Variants in TSHZ3 observed in about 807,000 individuals in gnomAD.
The protein encoded by TSHZ3 is teashirt zinc finger homeobox 3, also known as teashirt homolog 3.
A neutral mutation model predicts 64.5 loss-of-function variants in TSHZ3; 10 were observed. That is an observed-to-expected ratio of 0.16 (90% CI 0.10 to 0.26). The LOEUF is 0.26. TSHZ3 is among the 10% of genes least tolerant of loss of function. The pLI is 1.00. For synonymous variants in TSHZ3, 608 were observed against 593.1 expected, an observed-to-expected ratio of 1.03 and a Z score of -0.36; for missense variants, 1,242 against 1,421.7, an observed-to-expected ratio of 0.87 and a Z score of 2.03.
downstream of TSHZ3, among the ~76,000 whole-genome samples, chr19:31,272,220 G>A (rs1048318614): frequency 6.6e-6 from 1 of 152,124 alleles, no homozygotes; most frequent in Non-Finnish European, 1.5e-5. Context: ...CCCCAAGATG[G>A]AGCTGGACGG....
intron 5 of TSHZ3, among the ~76,000 whole-genome samples, chr19:31,163,852 T>C (rs1974404373): frequency 6.6e-6 from 1 of 152,176 alleles, no homozygotes; most frequent in Non-Finnish European, 1.5e-5. Context: ...CAAGAAGAGC[T>C]GCAAGTATAT....
intron 3 of TSHZ3, among the ~76,000 whole-genome samples, chr19:31,242,011 A>C (rs1057146202): frequency 5.9e-5 from 9 of 152,204 alleles, no homozygotes; most frequent in African/African-American, 2.2e-4. Context: ...TATTCAAGGG[A>C]TGTAAACTAT....
intron 4 of TSHZ3, among the ~76,000 whole-genome samples, chr19:31,213,396 T>C (rs1157806670): frequency 3.3e-5 from 2 of 60,260 alleles, no homozygotes; most frequent in Non-Finnish European, 6.5e-5. Flanking sequence ...AAAAAATCAG[T>C]GGTGTCCAGG....
chr19:31,152,281 AGC>A (rs1247346408), intron 6 of TSHZ3, among the ~76,000 whole-genome samples: 1 of 55,014 alleles, frequency 1.8e-5, no homozygotes, highest in Non-Finnish European at 3.4e-5. Flanking sequence ...TGTATATGTG[AGC>A]GTGTGTGTGT....
chr19:31,292,783 C>T (rs575882237), intron 1 of TSHZ3, among the ~76,000 whole-genome samples: 49 of 149,750 alleles, frequency 3.3e-4, no homozygotes, highest in Non-Finnish European at 6.4e-4. Flanking sequence ...CCCATTCATC[C>T]ATCCAAAAAC....
In TSHZ3 at chr19:31,277,836, G is replaced by C. The variant is rs777488308; in HGVS notation, c.1957C>G (p.Pro653Ala). 6.3e-7 allele frequency: 1 copy of C among 1,579,544 alleles called. No homozygotes were observed. Among genetic ancestry groups the C allele is most frequent in the Admixed American group, 1.8e-5 (1 of 55,740 alleles). ...TCGCTGGATGCCTCCATCTTGATGG[G>C]TTCCCCGACTTCGCTGCTACATGGG... ...PSPCSSEVGE[P>A]IKMEASSDGG... Residue 653 changes from proline to alanine, a missense_variant, in exon 2 of 2, where the codon CCC (proline) becomes GCC (alanine). This residue lies in a region of TSHZ3 where 550 missense variants were observed against 545.1 expected (regional missense o/e 1.01). Coordinates refer to ENST00000240587, the MANE Select transcript of TSHZ3 (RefSeq NM_020856.4). The surrounding 1 kb of genome is among the most constrained non-coding windows in gnomAD (Gnocchi z 4.5).
chr19:31,152,815 TG>T (rs1165814539), intron 6 of TSHZ3, among the ~76,000 whole-genome samples: 1 of 152,082 alleles, frequency 6.6e-6, no homozygotes, highest in African/African-American at 2.4e-5. Context: ...CAGAACCCAA[TG>T]GAGAGGCATC....
Position 31,268,835 on chromosome 19 carries a change from G to A in TSHZ3, n.64-25960C>T, listed in dbSNP as rs971793783. Among the ~76,000 whole-genome samples, 12 of 152,092 alleles carry A rather than the reference G, an allele frequency of 7.9e-5. No homozygotes were observed. In the East Asian group the frequency reaches 1.2e-3, roughly 15 times the overall value. The stretch of plus-strand genomic sequence containing the variant: ...GATGAGCTCTGAGTCTCACCTTTAC[G>A]GCTGCCTCCCCGGGCAAATCCATCC... On this transcript the variant is annotated intron_variant and non_coding_transcript_variant, in intron 1 of 6. Coordinates refer to the TSHZ3 transcript ENST00000651361.
chr19:31,183,226 CTT>C (rs1188570144), intron 5 of TSHZ3, among the ~76,000 whole-genome samples: 2,118 of 18,188 alleles, frequency 0.12, 27 homozygotes, highest in African/African-American at 0.3. Flanking sequence ...CTCTCTCTCT[CTT>C]TCTCTCTCTC....
intron 3 of TSHZ3, among the ~76,000 whole-genome samples, chr19:31,240,728 T>C (rs764169372): frequency 2.0e-5 from 3 of 152,158 alleles, no homozygotes; most frequent in Non-Finnish European, 4.4e-5. Context: ...TTTCCGTATA[T>C]GTTATTGAAA....
chr19:31,341,577 G>A (rs1355768835), intron 1 of TSHZ3, among the ~76,000 whole-genome samples: 2 of 151,426 alleles, frequency 1.3e-5, no homozygotes, highest in African/African-American at 2.4e-5. Flanking sequence ...ATAGAAAGGT[G>A]GCCTTCTCTG....
chr19:31,164,714 A>G (rs376940641), intron 5 of TSHZ3, among the ~76,000 whole-genome samples: 1 of 152,334 alleles, frequency 6.6e-6, no homozygotes, highest in East Asian at 1.9e-4. Context: ...CGCTGCGTGC[A>G]TGAAGGCTCC....
chr19:31,258,007 A>T (rs1299818264), intron 1 of TSHZ3, among the ~76,000 whole-genome samples: 1 of 152,148 alleles, frequency 6.6e-6, no homozygotes, highest in Admixed American at 6.5e-5. Context: ...TGAGTGAAGG[A>T]TGGCACCCAG....
chr19:31,342,886 A>C (rs1917478303), intron 1 of TSHZ3, among the ~76,000 whole-genome samples: 1 of 152,248 alleles, frequency 6.6e-6, no homozygotes, highest in Non-Finnish European at 1.5e-5. Context: ...AGCCAATCCA[A>C]AACCTGGCTA....
At chr19:31,206,997 C>A (rs1975187610) in intron 4 of TSHZ3, among the ~76,000 whole-genome samples, 1 of 152,134 alleles carries the variant, frequency 6.6e-6, no homozygotes, top group South Asian at 2.1e-4. Context: ...CATTAACTAA[C>A]AAGAATTTTC....
At chr19:31,176,272 G>A (rs915095073) in intron 5 of TSHZ3, among the ~76,000 whole-genome samples, 1 of 152,172 alleles carries the variant, frequency 6.6e-6, no homozygotes, top group African/African-American at 2.4e-5. Flanking sequence ...AGGCTGTGTA[G>A]GGGAGGAGGG....
chr19:31,227,813 C>T (rs538329465), intron 4 of TSHZ3, among the ~76,000 whole-genome samples: 2 of 152,324 alleles, frequency 1.3e-5, no homozygotes, highest in African/African-American at 4.8e-5. Flanking sequence ...TATTCCTACT[C>T]CACCTTTCAA....
intron 1 of TSHZ3, among the ~76,000 whole-genome samples, chr19:31,259,165 C>T (rs376219240): frequency 3.3e-5 from 5 of 152,070 alleles, no homozygotes; most frequent in African/African-American, 1.2e-4. Flanking sequence ...ATTTTAAAAC[C>T]ATGGAAATAA....
At chr19:31,263,533 G>A (rs1458241469) in intron 1 of TSHZ3, among the ~76,000 whole-genome samples, 1 of 152,236 alleles carries the variant, frequency 6.6e-6, no homozygotes, top group Non-Finnish European at 1.5e-5. Flanking sequence ...GCTGGTCAGG[G>A]CAAGACGTGC....
Sources: allele counts gnomAD v4.1 joint callset (sites outside exome capture counted in the v4.1 genomes callset), GRCh38; gene constraint gnomAD v4.1.1; regional missense constraint gnomAD v4.1.1; non-coding constraint Gnocchi (gnomAD v3.1); transcripts MANE v1.5; gene names NCBI Gene and HGNC (gene_info 2026-07-23, HGNC 2026-07-21).